The following ITGA4 variants were observed in gnomAD, a reference collection of about 807,000 sequenced individuals.
ITGA4 encodes integrin subunit alpha 4.
ITGA4 carries 63 observed loss-of-function variants against 133.6 expected under a neutral mutation model. The observed-to-expected ratio is 0.47, with a 90% CI of 0.38 to 0.58. The LOEUF (loss-of-function observed/expected upper bound fraction) is 0.58, where lower values mean the gene tolerates loss of function less well. Among genes scored for constraint, ITGA4 ranks in the 20% least tolerant of loss-of-function variants. ITGA4 has a pLI of 0.00. For synonymous variants in ITGA4, 483 were observed against 438.0 expected, an observed-to-expected ratio of 1.10 and a Z score of -1.28; for missense variants, 1,076 against 1,252.7, an observed-to-expected ratio of 0.86 and a Z score of 2.13.
intron 15 of ITGA4, 74 bp downstream of exon 15, chr2:181,498,851 G>T: frequency 1.4e-6 from 2 of 1,466,112 alleles, no homozygotes; most frequent in Non-Finnish European, 9.0e-7. Flanking sequence ...TATTGTATTG[G>T]TATCTTTTTA....
chr2:181,470,533 G>A (rs898459900), intron 2 of ITGA4, among the ~76,000 whole-genome samples: 6 of 152,132 alleles, frequency 3.9e-5, no homozygotes, highest in Admixed American at 3.3e-4. Context: ...GGCCCAAGTG[G>A]AGGTACTGGT....
chr2:181,469,722 A>C (rs1685500506), intron 2 of ITGA4, among the ~76,000 whole-genome samples: 1 of 152,222 alleles, frequency 6.6e-6, no homozygotes, highest in African/African-American at 2.4e-5. Context: ...ACACCATGAA[A>C]TACTATGCAG....
At chr2:181,492,571 T>C (rs1459934812) in intron 10 of ITGA4, among the ~76,000 whole-genome samples, 2 of 152,322 alleles carry the variant, frequency 1.3e-5, no homozygotes, top group Non-Finnish European at 1.5e-5. Context: ...ATTTTTCTCC[T>C]TTGTGCTATA....
intron 2 of ITGA4, among the ~76,000 whole-genome samples, chr2:181,463,285 A>T (rs1418139812): frequency 6.6e-6 from 1 of 152,176 alleles, no homozygotes; most frequent in Non-Finnish European, 1.5e-5. Flanking sequence ...AACTCTAAGT[A>T]TGAATTTACC....
At chr2:181,509,135 TAAAAAAAAAAAAA>T (rs57180154) in intron 15 of ITGA4, among the ~76,000 whole-genome samples, 5 of 44,674 alleles carry the variant, frequency 1.1e-4, no homozygotes, top group African/African-American at 5.0e-4. Flanking sequence ...TCCCATCTCT[TAAAAAAAAAAAAA>T]AAAAAAAAAA....
chr2:181,511,043 CTT>C (rs1305925811), intron 16 of ITGA4, among the ~76,000 whole-genome samples: 2 of 152,038 alleles, frequency 1.3e-5, no homozygotes, highest in African/African-American at 4.8e-5. Context: ...CTAGATCTCT[CTT>C]TGTTTTCTGC....
At chr2:181,472,793 A>T (rs1469959853) in intron 2 of ITGA4, among the ~76,000 whole-genome samples, 2 of 152,050 alleles carry the variant, frequency 1.3e-5, no homozygotes, top group East Asian at 3.9e-4. Flanking sequence ...TTTTTCTCCT[A>T]CCATCTTCCC....
rs368298529 is a variant in ITGA4, at chr2:181,481,677, T to A, written c.834T>A (p.Ile278=). The change falls in exon 7 of 28, where the codon ATT becomes ATA. Residue 278 remains isoleucine (I), a synonymous_variant. Transcript: ENST00000397033. ...GAGGAGCTCCTCAACATGAGCAGAT[T>A]GGTAAGGTAAGAATTACATTTTTAT... The part of the protein sequence containing the change: ...VVGGAPQHEQ[I]GKAYIFSIDE... 6 of 1,563,962 alleles carry A rather than the reference T, an allele frequency of 3.8e-6. No individual in the cohort carries two copies. The African/African-American group carries it at 8.1e-5, about 21-fold the overall frequency.
intron 14 of ITGA4, among the ~76,000 whole-genome samples, chr2:181,496,220 C>T (rs1340933752): frequency 6.6e-6 from 1 of 152,110 alleles, no homozygotes; most frequent in African/African-American, 2.4e-5. Flanking sequence ...CTGAGCTTAA[C>T]CTGTGAAATC....
At chr2:181,492,329 A>T (rs1313277261) in intron 10 of ITGA4, among the ~76,000 whole-genome samples, 1 of 152,226 alleles carries the variant, frequency 6.6e-6, no homozygotes, top group Non-Finnish European at 1.5e-5. Context: ...AAAATTTTAC[A>T]TTGTTTAGCA....
At chr2:181,486,175 T>TA (rs1320140747) in intron 10 of ITGA4, 183 bp downstream of exon 10, 1 of 641,640 alleles carries the variant, frequency 1.6e-6, no homozygotes, top group Non-Finnish European at 2.4e-6. Flanking sequence ...CATTGATCTT[T>TA]ACCACTGTTA....
At chr2:181,458,153 G>T (rs1559033576) in intron 1 of ITGA4, 43 bp from the exon 2 acceptor site, 1 of 1,612,950 alleles carries the variant, frequency 6.2e-7, no homozygotes, top group South Asian at 1.1e-5. Context: ...TCAGTGGGCA[G>T]CACAGCTCAC....
intron 11 of ITGA4, 100 bp downstream of exon 11, chr2:181,493,519 C>A: frequency 1.5e-6 from 1 of 645,638 alleles, no homozygotes; most frequent in South Asian, 2.2e-5. Flanking sequence ...TTTTCTCATT[C>A]AAATACTTAA....
chr2:181,534,729 T>C (rs1363334055), intron 26 of ITGA4, 87 bp from the exon 27 acceptor site: 6 of 1,146,744 alleles, frequency 5.2e-6, no homozygotes, highest in Middle Eastern at 2.3e-4. Context: ...CTGGGGATTA[T>C]GGCAGGGCTT....
intron 17 of ITGA4, among the ~76,000 whole-genome samples, chr2:181,520,954 A>G (rs986049550): frequency 6.6e-6 from 1 of 152,160 alleles, no homozygotes; most frequent in Admixed American, 6.6e-5. Flanking sequence ...TCAATTCACA[A>G]AAACAACTAA....
At chr2:181,490,186 G>A (rs1419102515) in intron 10 of ITGA4, among the ~76,000 whole-genome samples, 3 of 152,198 alleles carry the variant, frequency 2.0e-5, no homozygotes, top group Non-Finnish European at 4.4e-5. Context: ...GGCCCAGGAT[G>A]TGGGGCCAGG....
intron 10 of ITGA4, among the ~76,000 whole-genome samples, chr2:181,489,942 C>T (rs1233862711): frequency 6.6e-6 from 1 of 152,082 alleles, no homozygotes; most frequent in African/African-American, 2.4e-5. Flanking sequence ...TCTCAAGAGC[C>T]GAGCTCCCCA....
intron 17 of ITGA4, among the ~76,000 whole-genome samples, chr2:181,514,628 C>T (rs1686571472): frequency 6.6e-6 from 1 of 151,910 alleles, no homozygotes; most frequent in Non-Finnish European, 1.5e-5. Context: ...TGTTTTTACC[C>T]TCATGGGCCT....
At chr2:181,482,447 C>G in intron 8 of ITGA4, 25 bp downstream of exon 8, 2 of 1,613,384 alleles carry the variant, frequency 1.2e-6, no homozygotes, top group East Asian at 2.2e-5. Flanking sequence ...CCTTTAGTAT[C>G]TCTGTGGGCT....
Sources: allele counts gnomAD v4.1 joint callset (sites outside exome capture counted in the v4.1 genomes callset), GRCh38; gene constraint gnomAD v4.1.1; transcripts MANE v1.5; gene names NCBI Gene and HGNC (gene_info 2026-07-23, HGNC 2026-07-21).